SNX29: variants seen among roughly 807,000 people sequenced by gnomAD.
SNX29 encodes the protein sorting nexin-29.
In SNX29, 78 loss-of-function variants were observed where a neutral mutation model predicts 102.1. That is an observed-to-expected ratio of 0.76 (90% CI 0.64 to 0.92). The LOEUF (loss-of-function observed/expected upper bound fraction) is 0.92. Among genes scored for constraint, SNX29 ranks in the 40% least tolerant of loss-of-function variants. The probability of loss-of-function intolerance (pLI) is 0.00; values close to 1 mark genes in which losing one functional copy is unlikely to be tolerated. For missense variants in SNX29, 1,280 were observed against 1,061.7 expected (o/e 1.21, Z -2.86); for synonymous variants, 580 against 414.5 (o/e 1.40, Z -4.85).
rs2079179300 is a variant in SNX29 at position 12,571,150 on chromosome 16, CAGA to C, written c.*2526_*2528del. The C allele has an allele frequency of 8.7e-6, 2 of 230,758 alleles. No homozygotes were observed. Among genetic ancestry groups the C allele is most frequent in the Non-Finnish European group, 1.7e-5 (2 of 117,670 alleles). 14.3% of individuals were successfully genotyped at this position (230,758 alleles called of 1,614,324 possible). A position where few individuals can be genotyped will look rare whatever the true frequency, so the allele number is the denominator to read the frequency against. Reference sequence around the variant, plus strand: ...CAATGATTGGGTCCATCTTGCTGCTCAGAAGAATCCCGTCCTGCTCTCTAGTGT... The same window carrying C: ...CAATGATTGGGTCCATCTTGCTGCTCAGAATCCCGTCCTGCTCTCTAGTGT... On this transcript the variant is annotated 3_prime_UTR_variant, in exon 21 of 21. Transcript: ENST00000566228.
intron 12 of SNX29, among the ~76,000 whole-genome samples, chr16:12,128,096 AT>A: frequency 6.6e-6 from 1 of 152,324 alleles, no homozygotes; most frequent in South Asian, 2.1e-4. Flanking sequence ...AACAAACATG[AT>A]TTCTAAAACA....
chr16:12,283,894 C>T (rs1009991822), intron 15 of SNX29, among the ~76,000 whole-genome samples: 1 of 152,224 alleles, frequency 6.6e-6, no homozygotes, highest in African/African-American at 2.4e-5. Context: ...AATTCCTCCC[C>T]ACTTCTTAGG....
intron 11 of SNX29, among the ~76,000 whole-genome samples, chr16:12,097,616 C>A (rs1482213558): frequency 1.3e-5 from 2 of 152,042 alleles, no homozygotes; most frequent in Non-Finnish European, 2.9e-5. Flanking sequence ...ACCTCCCTAA[C>A]AGCTCAGACT....
intron 20 of SNX29, among the ~76,000 whole-genome samples, chr16:12,562,022 C>T (rs1055449672): frequency 2.0e-5 from 3 of 152,184 alleles, no homozygotes; most frequent in Admixed American, 6.5e-5. Flanking sequence ...AGGCCTGGCC[C>T]CTCATGGATT....
intron 20 of SNX29, among the ~76,000 whole-genome samples, chr16:12,566,768 G>A (rs2079028742): frequency 6.6e-6 from 1 of 152,188 alleles, no homozygotes; most frequent in Non-Finnish European, 1.5e-5. Flanking sequence ...CCTAAAGGAG[G>A]AAAGCACAGC....
intron 18 of SNX29, among the ~76,000 whole-genome samples, chr16:12,432,666 C>T (rs2085361605): frequency 6.6e-6 from 1 of 152,208 alleles, no homozygotes; most frequent in East Asian, 1.9e-4. Flanking sequence ...ACTGTGATGT[C>T]CGAGTACAGG....
Position 12,278,645 on chromosome 16 carries a change from TCTATCTTGGTTCAG to T in SNX29, c.1782+610_1782+623del, listed in dbSNP as rs1192642143. ...TTTCCTGAGAGGGTTTTTATACGTC[TCTATCTTGGTTCAG>T]GTATGCATTACTGTGATATAAAAAA... On this transcript the variant is annotated intron_variant, in intron 15 of 20. Coordinates refer to ENST00000566228, the MANE Select transcript of SNX29 (RefSeq NM_032167.5). Among the ~76,000 whole-genome samples, 5 of 118,814 alleles carry T rather than the reference TCTATCTTGGTTCAG, an allele frequency of 4.2e-5. No homozygotes were observed. The Admixed American group carries it at 4.4e-4, about 10-fold the overall frequency. 77.9% of individuals were successfully genotyped at this position (118,814 alleles called of 152,430 possible). A position where few individuals can be genotyped will look rare whatever the true frequency, so the allele number is the denominator to read the frequency against.
At chr16:12,563,149 T>TC (rs1313866507) in intron 20 of SNX29, among the ~76,000 whole-genome samples, 35 of 151,920 alleles carry the variant, frequency 2.3e-4, no homozygotes, top group South Asian at 8.3e-4. Context: ...TCATCCCAGC[T>TC]CCAGGGGGGG....
At chr16:12,533,979 A>G (rs563642350) in intron 20 of SNX29, among the ~76,000 whole-genome samples, 6 of 152,352 alleles carry the variant, frequency 3.9e-5, no homozygotes, top group East Asian at 3.9e-4. Context: ...TGTGGGCCAC[A>G]TGGGGTCCAC....
intron 3 of SNX29, among the ~76,000 whole-genome samples, chr16:12,009,705 T>C (rs934735271): frequency 2.6e-5 from 4 of 152,148 alleles, no homozygotes; most frequent in Non-Finnish European, 5.9e-5. Flanking sequence ...GCTCTGTTTT[T>C]CTCTAGGAAC....
intron 19 of SNX29, among the ~76,000 whole-genome samples, chr16:12,499,937 A>G (rs956269846): frequency 2.0e-5 from 3 of 152,068 alleles, no homozygotes; most frequent in Non-Finnish European, 4.4e-5. Flanking sequence ...TCAGTCTCAC[A>G]AAGTGCTAGG....
chr16:12,329,084 C>A (rs1427755890), intron 15 of SNX29, among the ~76,000 whole-genome samples: 1 of 151,848 alleles, frequency 6.6e-6, no homozygotes. Context: ...CCAGCTTAGG[C>A]AACATCAGGA....
chr16:12,194,225 G>A (rs951755002), intron 13 of SNX29, among the ~76,000 whole-genome samples: 2 of 152,162 alleles, frequency 1.3e-5, no homozygotes, highest in African/African-American at 4.8e-5. Context: ...TTATATGAAT[G>A]TATTTCATCT....
rs370602538 is a variant in SNX29, at chr16:12,438,735, G to A, written c.2037+35206G>A. Among the ~76,000 whole-genome samples the A allele has an allele frequency of 1.8e-4, 27 of 152,336 alleles. 1 individual carries two copies. The highest frequency in any genetic ancestry group is 9.7e-4 in the East Asian group (5 of 5,174). ...AGTCAGAAAGCCCAGGGACTTTTGA[G>A]CACATTAAAATCAGAAGAGGTCACA... On this transcript the variant is annotated intron_variant, in intron 18 of 20. Transcript: ENST00000566228.
At chr16:12,186,094 A>G (rs1184644560) in intron 13 of SNX29, among the ~76,000 whole-genome samples, 1 of 152,128 alleles carries the variant, frequency 6.6e-6, no homozygotes, top group Non-Finnish European at 1.5e-5. Flanking sequence ...TGACCAAACA[A>G]ATGTTCTTGG....
intron 15 of SNX29, among the ~76,000 whole-genome samples, chr16:12,354,809 G>GT (rs2082086391): frequency 6.6e-6 from 1 of 152,180 alleles, no homozygotes; most frequent in Non-Finnish European, 1.5e-5. Context: ...AAGGAATAAG[G>GT]TAACAAAGGA....
chr16:12,572,101 T>C lies in SNX29; in HGVS notation c.*3472T>C, dbSNP rs114219590. 1.0e-5 allele frequency: 11 copies of C among 1,057,790 alleles called. No individual in the cohort carries two copies. The highest frequency in any genetic ancestry group is 4.2e-4 in the Middle Eastern group (1 of 2,372). The allele number at this position is 1,057,790 out of a possible 1,614,324, so 65.5% of individuals were successfully genotyped here. A position where few individuals can be genotyped will look rare whatever the true frequency, so the allele number is the denominator to read the frequency against. Reference sequence around the variant, plus strand: ...GAAGAGGAAGGGGAGGGATGTGGACTGGGTCTGATCACAGCCCTTGGCCCT... The same window carrying C: ...GAAGAGGAAGGGGAGGGATGTGGACCGGGTCTGATCACAGCCCTTGGCCCT... On this transcript the variant is annotated 3_prime_UTR_variant, in exon 21 of 21. Transcript: ENST00000566228.
chr16:12,454,009 C>T (rs2086423347), intron 18 of SNX29, among the ~76,000 whole-genome samples: 2 of 152,026 alleles, frequency 1.3e-5, no homozygotes, highest in South Asian at 4.1e-4. Context: ...GCATTATGCC[C>T]ACATAGAAAA....
At chr16:12,567,624 T>G (rs2079066241) in intron 20 of SNX29, among the ~76,000 whole-genome samples, 1 of 152,036 alleles carries the variant, frequency 6.6e-6, no homozygotes, top group Admixed American at 6.6e-5. Context: ...CACTCAGGTA[T>G]GGTGGCTAGT....
Sources: gnomAD v4.1 joint callset for allele counts (sites outside exome capture counted in the v4.1 genomes callset) on GRCh38, gnomAD v4.1.1 for gene constraint, MANE v1.5 for transcripts, NCBI Gene and HGNC (gene_info 2026-07-23, HGNC 2026-07-21) for gene names.